HUWE1: variants seen among roughly 807,000 people sequenced by gnomAD.
HUWE1 encodes the protein E3 ubiquitin-protein ligase HUWE1.
Under a neutral mutation model 299.4 loss-of-function variants are expected in HUWE1, and 18 were observed. That is an observed-to-expected ratio of 0.06 (90% CI 0.04 to 0.09). HUWE1 has a LOEUF of 0.09. Ranked by LOEUF, HUWE1 falls within the 10% of genes least tolerant of loss-of-function variation. The pLI is 1.00. For synonymous variants in HUWE1, 1,317 were observed against 1,286.1 expected, an observed-to-expected ratio of 1.02 and a Z score of -0.51; for missense variants, 1,832 against 3,462.3, an observed-to-expected ratio of 0.53 and a Z score of 11.82.
rs113009925 is a variant in HUWE1, at chrX:53,604,778, G to A, written c.2553C>T (p.Ile851=). The change falls in exon 26 of 84, where the codon ATC becomes ATT. Residue 851 remains isoleucine (I), a synonymous_variant. Coordinates refer to ENST00000262854, the MANE Select transcript of HUWE1 (RefSeq NM_031407.7). ...GGTGTAAGGGCTCCAGGGAGGAGAG[G>A]ATGGAGTCCAACTGAAGGAGACCCT... ...LQEGLLQLDS[I]LSSLEPLHRP... 2.3e-5 allele frequency: 28 copies of A among 1,209,669 alleles called. No homozygotes were observed. Among genetic ancestry groups the A allele is most frequent in the African/African-American group, 1.6e-4 (9 of 57,849 alleles).
intron 33 of HUWE1, among the ~76,000 whole-genome samples, chrX:53,591,827 G>A (rs2064179034): frequency 9.0e-6 from 1 of 111,332 alleles, no homozygotes; most frequent in South Asian, 3.8e-4. Context: ...GATAAAAAAC[G>A]GGACAAGTGT....
chrX:53,676,529 CAG>C (rs1557051186), intron 3 of HUWE1, among the ~76,000 whole-genome samples: 1 of 112,092 alleles, frequency 8.9e-6, no homozygotes, highest in Non-Finnish European at 1.9e-5. Flanking sequence ...TTGGCAAAAA[CAG>C]AATTTCTTTT....
intron 3 of HUWE1, among the ~76,000 whole-genome samples, chrX:53,663,662 C>T (rs1203731076): frequency 9.0e-6 from 1 of 111,334 alleles, no homozygotes; most frequent in Admixed American, 9.5e-5. Context: ...GTAAGAATCC[C>T]TTTGAAAATT....
At chrX:53,598,177 G>A (rs2064604847) in intron 29 of HUWE1, among the ~76,000 whole-genome samples, 1 of 111,780 alleles carries the variant, frequency 8.9e-6, no homozygotes, top group Non-Finnish European at 1.9e-5. Flanking sequence ...TGTAGAAGCA[G>A]TGCCAGGAAC....
rs142811375 is a variant in HUWE1, at chrX:53,658,865, G to C, written c.-24-4734C>G. 7.7e-3 allele frequency among the ~76,000 whole-genome samples: 866 copies of C among 112,661 alleles called. 5 individuals are homozygous for C. The highest frequency in any genetic ancestry group is 0.014 in the Non-Finnish European group (737 of 53,261). ...CACAAAGAACTCTTAAAACTCAACA[G>C]TAAGAAAACAAGCTGATTTAAAAAT... On this transcript the variant is annotated intron_variant, in intron 3 of 83. Transcript: ENST00000262854.
At chrX:53,672,679 C>T (rs1557049833) in intron 3 of HUWE1, among the ~76,000 whole-genome samples, 1 of 111,678 alleles carries the variant, frequency 9.0e-6, no homozygotes, top group South Asian at 3.7e-4. Flanking sequence ...ATGGCAAATA[C>T]TTAATTGTTG....
At chrX:53,575,826 C>A in intron 44 of HUWE1, 38 bp from the exon 45 acceptor site, 1 of 1,187,302 alleles carries the variant, frequency 8.4e-7, no homozygotes, top group Non-Finnish European at 1.1e-6. Context: ...ACAAAATAAA[C>A]CTCTTCTACA....
At chrX:53,648,067 CTG>C (rs1557037287) in intron 5 of HUWE1, 143 bp downstream of exon 5, 10 of 499,662 alleles carry the variant, frequency 2.0e-5, no homozygotes, top group Non-Finnish European at 3.6e-5. Context: ...TGGTTTAAAG[CTG>C]TGTTAGGCAC....
chrX:53,657,821 G>A (rs1190831414), intron 3 of HUWE1, among the ~76,000 whole-genome samples: 2 of 109,965 alleles, frequency 1.8e-5, no homozygotes, highest in Non-Finnish European at 3.8e-5. Context: ...AGGCTGAGGC[G>A]GGCGGATCAC....
At chrX:53,608,975 G>A in intron 23 of HUWE1, 66 bp from the exon 24 acceptor site, 1 of 644,659 alleles carries the variant, frequency 1.6e-6, no homozygotes, top group Non-Finnish European at 2.6e-6. Context: ...GAACAGAGGA[G>A]GAGGCACTGT....
intron 7 of HUWE1, among the ~76,000 whole-genome samples, chrX:53,639,939 T>C (rs1338278064): frequency 1.8e-5 from 2 of 112,760 alleles, no homozygotes; most frequent in African/African-American, 3.2e-5. Flanking sequence ...TTAATATTTG[T>C]TGGCAAAAGT....
At chrX:53,670,806 A>T (rs2069487718) in intron 3 of HUWE1, among the ~76,000 whole-genome samples, 1 of 111,743 alleles carries the variant, frequency 8.9e-6, no homozygotes, top group Non-Finnish European at 1.9e-5. Context: ...ATATGGCAGC[A>T]GATATGTATA....
chrX:53,593,773 C>A (rs1416425331), intron 31 of HUWE1, among the ~76,000 whole-genome samples, 172 bp from the exon 32 acceptor site: 9 of 112,021 alleles, frequency 8.0e-5, no homozygotes, highest in Admixed American at 6.6e-4. Flanking sequence ...TTCTTTTGTT[C>A]CGCCTCTCCT....
Position 53,533,364 on chromosome X carries a change from C to T in HUWE1, c.13070G>A (p.Arg4357His), listed in dbSNP as rs2060850988. ...LPAYESFEKL[R>H]HMLLLAIQEC... ...CTGGATAGCCAACAGTAGCATGTGG[C>T]GGAGCTTCTCAAAGCTCTCATAGGC... The change falls in exon 84 of 84, where the codon CGC becomes CAC. Residue 4357 changes from arginine (R) to histidine (H), a missense_variant. Arg to His is a conservative substitution (Grantham distance 29). This residue lies in a region of HUWE1 where 129 missense variants were observed against 439.4 expected (regional missense o/e 0.29). Coordinates refer to ENST00000262854, the MANE Select transcript of HUWE1 (RefSeq NM_031407.7). 8.3e-7 allele frequency: 1 copy of T among 1,208,094 alleles called. No homozygotes were observed. Among genetic ancestry groups the T allele is most frequent in the Non-Finnish European group, 1.1e-6 (1 of 893,150 alleles).
chrX:53,559,642 A>T (rs1569442727), intron 56 of HUWE1, 110 bp from the exon 57 acceptor site: 1 of 665,787 alleles, frequency 1.5e-6, no homozygotes, highest in East Asian at 3.5e-5. Flanking sequence ...GAACATGATT[A>T]TAAACCTGAT....
chrX:53,635,751 G>GCT (rs1236072452), intron 7 of HUWE1, among the ~76,000 whole-genome samples: 1 of 111,615 alleles, frequency 9.0e-6, no homozygotes, highest in Non-Finnish European at 1.9e-5. Context: ...AACTAACATG[G>GCT]CTCTCTCTCT....
intron 12 of HUWE1, among the ~76,000 whole-genome samples, chrX:53,630,659 A>G (rs1239529833): frequency 6.5e-5 from 7 of 108,400 alleles, no homozygotes; most frequent in African/African-American, 2.3e-4. Context: ...AACGATAGCT[A>G]CAAGCATATC....
At position 53,592,623 on chromosome X, in the gene HUWE1, G is replaced by A. The variant is rs1556980367; in HGVS notation, c.3747C>T (p.Ala1249=). Residue 1249 remains alanine, a synonymous_variant, in exon 33 of 84, where the codon GCC becomes GCT. Coordinates refer to ENST00000262854, the MANE Select transcript of HUWE1 (RefSeq NM_031407.7). ...TCCATAAGTTTTTGATGCAAGTAAA[G>A]GCTGCCTGTAAGTAATTTGAAAAGT... ...LRFLVVTQKA[A]FTCIKNLWNR... The A allele has an allele frequency of 8.5e-7, 1 of 1,180,844 alleles. No homozygotes were observed. The highest frequency in any genetic ancestry group is 2.2e-5 in the Admixed American group (1 of 45,418).
chrX:53,605,095 T>C (rs1330871473), intron 25 of HUWE1, among the ~76,000 whole-genome samples: 2 of 112,267 alleles, frequency 1.8e-5, no homozygotes, highest in Non-Finnish European at 3.8e-5. Context: ...TCAAACTGAA[T>C]ACTGTTACGG....
Sources: gnomAD v4.1 joint callset for allele counts (sites outside exome capture counted in the v4.1 genomes callset) on GRCh38, gnomAD v4.1.1 for gene constraint, gnomAD v4.1.1 regional missense constraint, MANE v1.5 for transcripts, NCBI Gene and HGNC (gene_info 2026-07-23, HGNC 2026-07-21) for gene names.